Variants in PLEKHG5 observed in about 807,000 individuals in gnomAD.
PLEKHG5 encodes the protein pleckstrin homology and RhoGEF domain containing G5, also known as pleckstrin homology domain-containing family G member 5.
In PLEKHG5, 52 loss-of-function variants were observed where a neutral mutation model predicts 103.8. The ratio of observed to expected loss-of-function variants is 0.50; its 90% confidence interval spans 0.40 to 0.63. PLEKHG5 has a LOEUF of 0.63. Ranked by LOEUF, PLEKHG5 falls within the 30% of genes least tolerant of loss-of-function variation. The pLI, the probability that PLEKHG5 is intolerant of heterozygous loss-of-function variation, is 0.00. For synonymous variants in PLEKHG5, 592 were observed against 575.5 expected, an observed-to-expected ratio of 1.03 and a Z score of -0.41; for missense variants, 1,205 against 1,347.6, an observed-to-expected ratio of 0.89 and a Z score of 1.66.
chr1:6,502,124 C>T (rs2148631265), intron 1 of PLEKHG5, among the ~76,000 whole-genome samples: 1 of 152,396 alleles, frequency 6.6e-6, no homozygotes, highest in Non-Finnish European at 1.5e-5. Context: ...CCGCAGCAGC[C>T]TGGGGAAGGG....
In PLEKHG5 at chr1:6,470,292, T is replaced by C. The variant is rs1644526724; in HGVS notation, c.1744A>G (p.Thr582Ala). 2 of 1,613,716 alleles carry C rather than the reference T, an allele frequency of 1.2e-6. No individual in the cohort carries two copies. The highest frequency in any genetic ancestry group is 2.7e-5 in the African/African-American group (2 of 74,876). Residue 582 changes from threonine (T) to alanine (A), a missense_variant, in exon 16 of 21, where the codon ACG (threonine) becomes GCG (alanine). Transcript: ENST00000377728. ...APIPGASPEE[T>A]RQLLLEGSLR... Reference sequence around the variant, plus strand: ...CTCCCCTCCAGCAGCAGCTGCCGCGTCTCCTCCGGGGAGGCGCCAGGGATG... The same window carrying C: ...CTCCCCTCCAGCAGCAGCTGCCGCGCCTCCTCCGGGGAGGCGCCAGGGATG...
intron 17 of PLEKHG5, 27 bp downstream of exon 17, chr1:6,469,517 C>T: frequency 6.2e-7 from 1 of 1,613,842 alleles, no homozygotes; most frequent in East Asian, 2.2e-5. Flanking sequence ...AGCCCCTGAC[C>T]AGGAACAGGG....
intron 16 of PLEKHG5, 84 bp downstream of exon 16, chr1:6,470,152 A>C: frequency 1.4e-6 from 2 of 1,446,894 alleles, no homozygotes; most frequent in Non-Finnish European, 1.9e-6. Context: ...CACCGAAGGG[A>C]CTGCAGAGCT....
chr1:6,475,638 G>A (rs943003350), intron 3 of PLEKHG5, 116 bp from the exon 4 acceptor site: 21 of 923,888 alleles, frequency 2.3e-5, no homozygotes, highest in Middle Eastern at 2.7e-4. Flanking sequence ...CAGGTAACCC[G>A]CGTGGATTCA....
intron 1 of PLEKHG5, among the ~76,000 whole-genome samples, chr1:6,518,107 T>C (rs1570016365): frequency 4.6e-5 from 7 of 151,856 alleles, no homozygotes; most frequent in Non-Finnish European, 7.4e-5. Flanking sequence ...TGATTTTTTG[T>C]ATTTTTAGTA....
chr1:6,519,332 A>G, intron 1 of PLEKHG5: 1 of 851,978 alleles, frequency 1.2e-6, no homozygotes, highest in East Asian at 2.4e-5. Context: ...AACCGTCCGG[A>G]CTAATTCAGT....
intron 1 of PLEKHG5, among the ~76,000 whole-genome samples, chr1:6,510,053 C>T (rs999830813): frequency 2.0e-5 from 3 of 152,180 alleles, no homozygotes; most frequent in Non-Finnish European, 4.4e-5. Flanking sequence ...CCAGGGCAGC[C>T]GGGGAGAGCC....
At chr1:6,506,933 T>A (rs1266057011) in intron 1 of PLEKHG5, among the ~76,000 whole-genome samples, 2 of 152,210 alleles carry the variant, frequency 1.3e-5, no homozygotes, top group Non-Finnish European at 2.9e-5. Flanking sequence ...CAGCCGAACC[T>A]CTGGCATCCT....
chr1:6,474,410 G>A (rs1318932544), intron 6 of PLEKHG5, 41 bp downstream of exon 6: 7 of 1,610,934 alleles, frequency 4.3e-6, no homozygotes, highest in Admixed American at 1.7e-5. Context: ...AGGAGGCTCC[G>A]CCAGTCCCAG....
chr1:6,486,668 A>C lies in PLEKHG5; in HGVS notation c.-88+4969T>G, dbSNP rs1462460594. ...CAGGGGGCACTCAGCAAAGCCTGAG[A>C]GGACGCAAACGCCCAGACTCTGGTG... On this transcript the variant is annotated intron_variant, in intron 1 of 20. Transcript: ENST00000377728. This position sits in a 1 kb window ranked among gnomAD's most constrained non-coding sequence, Gnocchi z 5.3. Among the ~76,000 whole-genome samples, 1 of 152,224 alleles carries C rather than the reference A, an allele frequency of 6.6e-6. No homozygotes were observed. The highest frequency in any genetic ancestry group is 1.9e-4 in the East Asian group (1 of 5,198).
upstream of PLEKHG5, among the ~76,000 whole-genome samples, chr1:6,494,681 T>C (rs991834492): frequency 6.6e-6 from 1 of 152,224 alleles, no homozygotes; most frequent in Non-Finnish European, 1.5e-5. Flanking sequence ...CCCTTGCCTC[T>C]GTTCTGTCTA....
rs1203245241 is a variant in PLEKHG5 at position 6,485,707 on chromosome 1, C to A, written c.-88+5930G>T. On this transcript the variant is annotated intron_variant, in intron 1 of 20. Coordinates refer to ENST00000377728, the MANE Select transcript of PLEKHG5 (RefSeq NM_020631.6). Reference sequence around the variant, plus strand: ...CTGCCCGGGCGACCCCCCGCCTCCCCGCCTCTGCCCAGACCCGGGGACTCC... The same window carrying A: ...CTGCCCGGGCGACCCCCCGCCTCCCAGCCTCTGCCCAGACCCGGGGACTCC... 5 of 338,554 alleles carry A rather than the reference C, an allele frequency of 1.5e-5. No individual in the cohort carries two copies. The East Asian group carries it at 3.4e-4, about 23-fold the overall frequency. 21.0% of individuals were successfully genotyped at this position (338,554 alleles called of 1,614,324 possible). A position where few individuals can be genotyped will look rare whatever the true frequency, so the allele number is the denominator to read the frequency against.
intron 1 of PLEKHG5, among the ~76,000 whole-genome samples, chr1:6,504,549 A>G (rs1468158557): frequency 6.8e-6 from 1 of 147,616 alleles, no homozygotes; most frequent in African/African-American, 2.5e-5. Context: ...TGGGAGCAGC[A>G]CTTCCCTTCT....
chr1:6,475,637 C>A, intron 3 of PLEKHG5, 115 bp from the exon 4 acceptor site: 2 of 924,304 alleles, frequency 2.2e-6, no homozygotes, highest in East Asian at 2.4e-5. Context: ...ACAGGTAACC[C>A]GCGTGGATTC....
At chr1:6,476,402 A>G (rs1258857046) in intron 2 of PLEKHG5, among the ~76,000 whole-genome samples, 1 of 152,066 alleles carries the variant, frequency 6.6e-6, no homozygotes, top group African/African-American at 2.4e-5. Flanking sequence ...CATGTTGGCC[A>G]GGCTGTTCTC....
intron 1 of PLEKHG5, among the ~76,000 whole-genome samples, chr1:6,483,494 C>A (rs191922805): frequency 1.7e-4 from 26 of 152,256 alleles, no homozygotes; most frequent in Non-Finnish European, 3.7e-4. Context: ...TGAGATCCTG[C>A]CTCTACAAAA....
intron 4 of PLEKHG5, among the ~76,000 whole-genome samples, 161 bp downstream of exon 4, chr1:6,475,301 C>T (rs376400296): frequency 1.4e-5 from 2 of 146,132 alleles, no homozygotes; most frequent in Non-Finnish European, 3.0e-5. Flanking sequence ...CCTCCGGTCT[C>T]GGATGGGAAC....
In PLEKHG5 at chr1:6,477,519, C is replaced by T. The variant is rs954285753; in HGVS notation, c.43+10G>A. The T allele has an allele frequency of 6.2e-7, 1 of 1,610,752 alleles. No individual in the cohort carries two copies. Among genetic ancestry groups the T allele is most frequent in the Non-Finnish European group, 8.5e-7 (1 of 1,179,888 alleles). On this transcript the variant is annotated intron_variant, in intron 2 of 20. Transcript: ENST00000377728. Reference sequence around the variant, plus strand: ...CTGGGGGCCGAGCTGCGGCTCCCGCCTGTGCTCACCTTGTGGGGGAAGGTC... The same window carrying T: ...CTGGGGGCCGAGCTGCGGCTCCCGCTTGTGCTCACCTTGTGGGGGAAGGTC...
In PLEKHG5 at chr1:6,477,547, A is replaced by G; in HGVS notation, c.25T>C (p.Phe9Leu). 1 of 1,612,382 alleles carries G rather than the reference A, an allele frequency of 6.2e-7. No individual in the cohort carries two copies. MHYDGHVRFDLPPQGSVLA... is the reference protein window; with the variant it reads MHYDGHVRLDLPPQGSVLA... The stretch of plus-strand genomic sequence containing the variant: ...TGCTCACCTTGTGGGGGAAGGTCGA[A>G]GCGGACATGCCCATCATAATGCATG... Residue 9 changes from phenylalanine to leucine, a missense_variant, in exon 2 of 21, where the codon TTC becomes CTC. By Grantham distance (22) the Phe-to-Leu change is conservative (BLOSUM62 0). Transcript: ENST00000377728.
Sources: gnomAD v4.1 joint callset for allele counts (sites outside exome capture counted in the v4.1 genomes callset) on GRCh38, gnomAD v4.1.1 for gene constraint, Gnocchi (gnomAD v3.1) non-coding constraint, MANE v1.5 for transcripts, NCBI Gene and HGNC (gene_info 2026-07-23, HGNC 2026-07-21) for gene names.